Variants in GABRG3 observed in about 807,000 individuals in gnomAD.
GABRG3 encodes gamma-aminobutyric acid receptor subunit gamma-3.
Under a neutral mutation model 48.8 loss-of-function variants are expected in GABRG3, and 25 were observed. That is an observed-to-expected ratio of 0.51 (90% confidence interval 0.37 to 0.72). The LOEUF (loss-of-function observed/expected upper bound fraction) is 0.72. Ranked by LOEUF, GABRG3 falls within the 30% of genes least tolerant of loss-of-function variation. GABRG3 has a pLI of 0.00. For missense variants in GABRG3, 394 were observed against 577.9 expected, an observed-to-expected ratio of 0.68 and a Z score of 3.26; for synonymous variants, 227 against 217.6, an observed-to-expected ratio of 1.04 and a Z score of -0.38.
intron 3 of GABRG3, among the ~76,000 whole-genome samples, chr15:27,071,860 C>G (rs571402425): frequency 1.6e-4 from 24 of 152,294 alleles, no homozygotes; most frequent in African/African-American, 5.3e-4. Flanking sequence ...TTCTGGTGAG[C>G]AGTTATTACT....
chr15:27,513,283 T>TA (rs1890941209), intron 6 of GABRG3, among the ~76,000 whole-genome samples: 1 of 151,592 alleles, frequency 6.6e-6, no homozygotes, highest in Admixed American at 6.6e-5. Flanking sequence ...CTGTCTCTAC[T>TA]AAAAAAATAC....
intron 6 of GABRG3, among the ~76,000 whole-genome samples, chr15:27,497,817 AT>A (rs1428912478): frequency 6.6e-6 from 1 of 151,832 alleles, no homozygotes; most frequent in Non-Finnish European, 1.5e-5. Flanking sequence ...CTTTAATTCC[AT>A]TTTCCCCTGT....
chr15:27,432,063 A>G (rs889848923), intron 5 of GABRG3, among the ~76,000 whole-genome samples: 4 of 152,192 alleles, frequency 2.6e-5, no homozygotes, highest in African/African-American at 9.7e-5. Flanking sequence ...GGCCTAGTCT[A>G]TGGCTCATCC....
chr15:27,306,155 A>G (rs894889495), intron 3 of GABRG3, among the ~76,000 whole-genome samples: 9 of 130,096 alleles, frequency 6.9e-5, no homozygotes, highest in Non-Finnish European at 1.4e-4. Context: ...TATATAATAT[A>G]AACCTATATG....
intron 3 of GABRG3, among the ~76,000 whole-genome samples, chr15:27,135,961 A>C (rs1490361082): frequency 6.6e-6 from 1 of 152,148 alleles, no homozygotes; most frequent in East Asian, 1.9e-4. Flanking sequence ...GAGAGAGATA[A>C]GGGAGAGAAA....
intron 3 of GABRG3, among the ~76,000 whole-genome samples, chr15:27,029,468 T>C (rs896607610): frequency 2.0e-5 from 3 of 151,798 alleles, no homozygotes; most frequent in Non-Finnish European, 4.4e-5. Context: ...CATGCACACA[T>C]GCACACACTC....
chr15:27,179,891 G>A lies in GABRG3; in HGVS notation c.271-146918G>A, dbSNP rs1032192367. Among the ~76,000 whole-genome samples, 1 of 152,222 alleles carries A rather than the reference G, an allele frequency of 6.6e-6. No homozygotes were observed. The highest frequency in any genetic ancestry group is 2.4e-5 in the African/African-American group (1 of 41,466). On this transcript the variant is annotated intron_variant, in intron 3 of 9. Coordinates refer to ENST00000615808, the MANE Select transcript of GABRG3 (RefSeq NM_033223.5). The surrounding 1 kb of genome is among the most constrained non-coding windows in gnomAD (Gnocchi z 4.0). ...TGTGCATAAAATAAGCTGAATGTTT[G>A]TGCCCTGTTACCAGATTGTTCTCTT...
At chr15:27,502,288 T>C (rs551376804) in intron 6 of GABRG3, among the ~76,000 whole-genome samples, 2 of 152,388 alleles carry the variant, frequency 1.3e-5, no homozygotes, top group South Asian at 4.1e-4. Context: ...ATAGGCTGTT[T>C]AATGATTTTA....
At chr15:27,506,922 G>A (rs1890775314) in intron 6 of GABRG3, among the ~76,000 whole-genome samples, 1 of 151,194 alleles carries the variant, frequency 6.6e-6, no homozygotes, top group Non-Finnish European at 1.5e-5. Flanking sequence ...ACTGATTCAA[G>A]GGTCTTTTAT....
At chr15:27,201,455 G>A (rs1888681772) in intron 3 of GABRG3, among the ~76,000 whole-genome samples, 1 of 151,586 alleles carries the variant, frequency 6.6e-6, no homozygotes, top group African/African-American at 2.4e-5. Flanking sequence ...GGGAGAAAGA[G>A]AAGGAAAAGG....
chr15:27,445,597 T>G (rs987210549), intron 5 of GABRG3, among the ~76,000 whole-genome samples: 4 of 152,212 alleles, frequency 2.6e-5, no homozygotes, highest in African/African-American at 9.6e-5. Flanking sequence ...CTTATCAGAT[T>G]ATGTGGTTTG....
intron 5 of GABRG3, among the ~76,000 whole-genome samples, chr15:27,340,267 C>T (rs1051717282): frequency 1.2e-4 from 19 of 152,240 alleles, no homozygotes; most frequent in African/African-American, 4.1e-4. Context: ...AGTTTCTCTG[C>T]GGCCTCTGGA....
chr15:27,181,967 T>C (rs1887946523), intron 3 of GABRG3, among the ~76,000 whole-genome samples: 1 of 149,588 alleles, frequency 6.7e-6, no homozygotes. Context: ...ATTTCTACTA[T>C]GATATGCTAT....
chr15:27,338,061 ATTGT>A (rs1894034963), intron 5 of GABRG3, among the ~76,000 whole-genome samples: 3 of 152,238 alleles, frequency 2.0e-5, no homozygotes, highest in South Asian at 2.1e-4. Context: ...AATACTAGTC[ATTGT>A]TTGTTACTGT....
At chr15:27,253,655 G>A (rs1890528753) in intron 3 of GABRG3, among the ~76,000 whole-genome samples, 1 of 152,252 alleles carries the variant, frequency 6.6e-6, no homozygotes, top group South Asian at 2.1e-4. Flanking sequence ...GGCTCTGAGA[G>A]TTCAGGCGCC....
intron 5 of GABRG3, among the ~76,000 whole-genome samples, chr15:27,440,647 C>T (rs1273200202): frequency 1.3e-5 from 2 of 152,214 alleles, no homozygotes; most frequent in African/African-American, 2.4e-5. Flanking sequence ...TTCATTATCA[C>T]CTAATCCTTG....
chr15:27,446,891 C>T (rs535231195), intron 5 of GABRG3, among the ~76,000 whole-genome samples: 1 of 152,212 alleles, frequency 6.6e-6, no homozygotes, highest in African/African-American at 2.4e-5. Context: ...ACATACACCC[C>T]CAACACACAT....
At chr15:27,005,854 G>GT (rs1895574036) in intron 2 of GABRG3, among the ~76,000 whole-genome samples, 1 of 152,112 alleles carries the variant, frequency 6.6e-6, no homozygotes, top group Admixed American at 6.5e-5. Flanking sequence ...TACCATGACA[G>GT]TTTTTCCCTA....
At position 27,313,240 on chromosome 15, in the gene GABRG3, A is replaced by ATATG. The variant is rs1218660438; in HGVS notation, c.271-13568_271-13567insATGT. 1.2e-4 allele frequency among the ~76,000 whole-genome samples: 7 copies of ATATG among 56,882 alleles called. 1 individual carries two copies. The highest frequency in any genetic ancestry group is 4.7e-4 in the African/African-American group (7 of 14,996). 37.3% of individuals were successfully genotyped at this position (56,882 alleles called of 152,430 possible). A position where few individuals can be genotyped will look rare whatever the true frequency, so the allele number is the denominator to read the frequency against. On this transcript the variant is annotated intron_variant, in intron 3 of 9. Coordinates refer to ENST00000615808, the MANE Select transcript of GABRG3 (RefSeq NM_033223.5). The stretch of plus-strand genomic sequence containing the variant: ...TGTATATATATACGTATATGTATAT[A>ATATG]TGTGTGTGTGTGTGTGTGTGTGTAT...
Sources: gnomAD v4.1 joint callset for allele counts (sites outside exome capture counted in the v4.1 genomes callset) on GRCh38, gnomAD v4.1.1 for gene constraint, Gnocchi (gnomAD v3.1) non-coding constraint, MANE v1.5 for transcripts, NCBI Gene and HGNC (gene_info 2026-07-23, HGNC 2026-07-21) for gene names.